The following KCNIP4 variants were observed in gnomAD, a reference collection of about 807,000 sequenced individuals.
KCNIP4 encodes Kv channel-interacting protein 4.
Under a neutral mutation model 34.0 loss-of-function variants are expected in KCNIP4, and 12 were observed. That is an observed-to-expected ratio of 0.35 (90% CI 0.23 to 0.57). The LOEUF is 0.57. Ranked by LOEUF, KCNIP4 falls within the 20% of genes least tolerant of loss-of-function variation. The pLI, the probability that KCNIP4 is intolerant of heterozygous loss-of-function variation, is 0.83. For synonymous variants in KCNIP4, 124 were observed against 102.2 expected, an observed-to-expected ratio of 1.21 and a Z score of -1.29; for missense variants, 238 against 311.7, an observed-to-expected ratio of 0.76 and a Z score of 1.78.
rs115729910 is a variant in KCNIP4, at chr4:21,749,914, G to C, written c.61+198657C>G. On this transcript the variant is annotated intron_variant, in intron 1 of 8. Coordinates refer to ENST00000382152, the MANE Select transcript of KCNIP4 (RefSeq NM_025221.6). ...TCTAAGTTACTTAATTCCAGGCTGA[G>C]GCTGGAGCTATACAGTAGTTACCAC... Among the ~76,000 whole-genome samples, 1,330 of 152,248 alleles carry C rather than the reference G, an allele frequency of 8.7e-3. 19 individuals carry two copies. Among genetic ancestry groups the C allele is most frequent in the South Asian group, 0.039 (187 of 4,824 alleles).
At chr4:21,231,218 A>C (rs1577925622) in intron 1 of KCNIP4, among the ~76,000 whole-genome samples, 3 of 152,204 alleles carry the variant, frequency 2.0e-5, no homozygotes, top group East Asian at 3.8e-4. Context: ...GGCATGCCAA[A>C]ATTCTCTTAA....
At chr4:21,366,882 A>G (rs1019763268) in intron 1 of KCNIP4, among the ~76,000 whole-genome samples, 3 of 152,098 alleles carry the variant, frequency 2.0e-5, no homozygotes, top group African/African-American at 7.2e-5. Context: ...CATGGTCTAA[A>G]TGTATTTCCT....
intron 1 of KCNIP4, among the ~76,000 whole-genome samples, chr4:20,947,732 A>G (rs1411363882): frequency 6.6e-6 from 1 of 152,238 alleles, no homozygotes; most frequent in Non-Finnish European, 1.5e-5. Flanking sequence ...ACAACAGTCA[A>G]CACTGACGTT....
At position 21,268,660 on chromosome 4, in the gene KCNIP4, A is replaced by T. The variant is rs7695781; in HGVS notation, c.62-385951T>A. Among the ~76,000 whole-genome samples the T allele has an allele frequency of 3.0e-3, 451 of 152,306 alleles. 4 individuals are homozygous for T. The highest frequency in any genetic ancestry group is 0.01 in the African/African-American group (435 of 41,566). On this transcript the variant is annotated intron_variant, in intron 1 of 8. Transcript: ENST00000382152. ...AGGGGCAGAGGAACATTTCTTTTAC[A>T]TGTGGCCTTTGAGCCTGTGAGGCAT... is the stretch of plus-strand genomic sequence containing the variant.
chr4:21,924,145 G>A (rs1403420901), intron 1 of KCNIP4, among the ~76,000 whole-genome samples: 2 of 151,792 alleles, frequency 1.3e-5, no homozygotes, highest in South Asian at 2.1e-4. Flanking sequence ...AATGTTTCTT[G>A]TTGAAGAAAG....
intron 1 of KCNIP4, among the ~76,000 whole-genome samples, chr4:21,044,233 G>T (rs989836570): frequency 6.6e-6 from 1 of 152,044 alleles, no homozygotes; most frequent in African/African-American, 2.4e-5. Flanking sequence ...TTCTCCAGTA[G>T]ATTGTCCTAT....
At chr4:21,448,400 A>G (rs1247103132) in intron 1 of KCNIP4, among the ~76,000 whole-genome samples, 1 of 152,182 alleles carries the variant, frequency 6.6e-6, no homozygotes, top group African/African-American at 2.4e-5. Context: ...TCCACGTTTT[A>G]CAGTGTCAGA....
chr4:21,616,653 TG>T (rs1411831095), intron 1 of KCNIP4, among the ~76,000 whole-genome samples: 1 of 152,168 alleles, frequency 6.6e-6, no homozygotes, highest in East Asian at 1.9e-4. Flanking sequence ...CTCTGTGGTT[TG>T]CTGGCAATCC....
intron 3 of KCNIP4, among the ~76,000 whole-genome samples, chr4:20,792,680 A>G (rs1425651550): frequency 6.6e-6 from 1 of 152,204 alleles, no homozygotes; most frequent in African/African-American, 2.4e-5. Context: ...TCCATAATGA[A>G]GATATTTCTT....
rs190714635 is a variant in KCNIP4, at chr4:21,391,504, G to A, written c.62-508795C>T. Among the ~76,000 whole-genome samples the A allele has an allele frequency of 4.9e-4, 75 of 152,090 alleles. 1 individual carries two copies. The highest frequency in any genetic ancestry group is 1.8e-3 in the African/African-American group (73 of 41,512). On this transcript the variant is annotated intron_variant, in intron 1 of 8. Coordinates refer to ENST00000382152, the MANE Select transcript of KCNIP4 (RefSeq NM_025221.6). ...TCTGTGATCCTCCAAATTTTATCAG[G>A]AACGTGCCCTAAATGCACATCTTTG...
chr4:21,891,987 T>C (rs1451450747), intron 1 of KCNIP4, among the ~76,000 whole-genome samples: 2 of 152,020 alleles, frequency 1.3e-5, no homozygotes, highest in Admixed American at 6.6e-5. Flanking sequence ...CTGGGGGTGA[T>C]TTCTGTCAAC....
chr4:21,034,765 G>A (rs148217098), intron 1 of KCNIP4, among the ~76,000 whole-genome samples: 53 of 150,200 alleles, frequency 3.5e-4, no homozygotes, highest in African/African-American at 1.0e-3. Context: ...AGTAAATGTC[G>A]CTTCCTAAAA....
In KCNIP4 at chr4:21,542,852, T is replaced by C. The variant is rs537764649; in HGVS notation, c.61+405719A>G. On this transcript the variant is annotated intron_variant, in intron 1 of 8. Transcript: ENST00000382152. ...ATAAATAATGAATCAAATAATTACA[T>C]TAAAAATTAATTTCATGTTGAAATG... 5.9e-5 allele frequency among the ~76,000 whole-genome samples: 9 copies of C among 151,754 alleles called. No homozygotes were observed. In the South Asian group the frequency reaches 1.9e-3, roughly 31 times the overall value.
At chr4:21,588,443 A>G (rs972026347) in intron 1 of KCNIP4, among the ~76,000 whole-genome samples, 2 of 152,016 alleles carry the variant, frequency 1.3e-5, no homozygotes, top group Non-Finnish European at 2.9e-5. Flanking sequence ...TTTGATGCTA[A>G]TTAGGTATGT....
At chr4:20,994,426 A>G (rs1737356132) in intron 1 of KCNIP4, among the ~76,000 whole-genome samples, 1 of 152,220 alleles carries the variant, frequency 6.6e-6, no homozygotes, top group Admixed American at 6.5e-5. Context: ...TGTCTTTGAG[A>G]AGGAAAGGGC....
chr4:21,437,019 G>T (rs1429414426), intron 1 of KCNIP4, among the ~76,000 whole-genome samples: 2 of 152,112 alleles, frequency 1.3e-5, no homozygotes, highest in Non-Finnish European at 2.9e-5. Context: ...TTATTCAAGT[G>T]CAATGCTTTT....
chr4:20,980,058 A>G (rs1397708652), intron 1 of KCNIP4, among the ~76,000 whole-genome samples: 1 of 152,176 alleles, frequency 6.6e-6, no homozygotes, highest in South Asian at 2.1e-4. Flanking sequence ...CTGTACGACT[A>G]GTTTTTCTTC....
chr4:21,190,259 G>C (rs1755526717), intron 1 of KCNIP4, among the ~76,000 whole-genome samples: 1 of 152,040 alleles, frequency 6.6e-6, no homozygotes, highest in Non-Finnish European at 1.5e-5. Flanking sequence ...TATCTTTTAA[G>C]TAACTCTGGG....
At chr4:21,817,460 C>T (rs184791783) in intron 1 of KCNIP4, among the ~76,000 whole-genome samples, 6 of 152,154 alleles carry the variant, frequency 3.9e-5, no homozygotes, top group South Asian at 2.1e-4. Flanking sequence ...AGAATAACAA[C>T]GATTTTTAGG....
Sources: allele counts gnomAD v4.1 joint callset (sites outside exome capture counted in the v4.1 genomes callset), GRCh38; gene constraint gnomAD v4.1.1; transcripts MANE v1.5; gene names NCBI Gene and HGNC (gene_info 2026-07-23, HGNC 2026-07-21).